The following ULK4 variants were observed in gnomAD, a reference collection of about 807,000 sequenced individuals.
ULK4 encodes unc-51 like kinase 4, also known as inactive serine/threonine-protein kinase ULK4.
In ULK4, 133 loss-of-function variants were observed where a neutral mutation model predicts 160.6. That is an observed-to-expected ratio of 0.83 (90% confidence interval 0.72 to 0.96). ULK4 has a LOEUF of 0.96. Among genes scored for constraint, ULK4 ranks in the 40% least tolerant of loss-of-function variants. The pLI, the probability that ULK4 is intolerant of heterozygous loss-of-function variation, is 0.00. For missense variants in ULK4, 1,580 were observed against 1,499.5 expected (o/e 1.05, Z -0.89); for synonymous variants, 534 against 539.8 (o/e 0.99, Z 0.15).
intron 32 of ULK4, among the ~76,000 whole-genome samples, chr3:41,519,567 G>T (rs374177187): frequency 2.6e-5 from 4 of 152,184 alleles, no homozygotes; most frequent in African/African-American, 7.2e-5. Flanking sequence ...AGTGTGGTAG[G>T]GAATTTGAAT....
chr3:41,393,939 A>T (rs545245329), intron 35 of ULK4, among the ~76,000 whole-genome samples: 12 of 152,242 alleles, frequency 7.9e-5, no homozygotes, highest in Non-Finnish European at 1.5e-4. Flanking sequence ...TCTTGGGAAC[A>T]TTATTTAAGC....
Position 41,559,250 on chromosome 3 carries a change from C to A in ULK4, c.3226+6775G>T, listed in dbSNP as rs372897054. Among the ~76,000 whole-genome samples the A allele has an allele frequency of 2.8e-4, 35 of 123,814 alleles. 1 individual carries two copies. In the South Asian group the frequency reaches 9.4e-3, roughly 33 times the overall value. 81.2% of individuals were successfully genotyped at this position (123,814 alleles called of 152,430 possible). Reference sequence around the variant, plus strand: ...CATAGTATTCCATGGTGTATATGTGCCACATTTTCTTAATCCAGTCTATCA... The same window carrying A: ...CATAGTATTCCATGGTGTATATGTGACACATTTTCTTAATCCAGTCTATCA... On this transcript the variant is annotated intron_variant, in intron 32 of 36. Transcript: ENST00000301831.
chr3:41,819,352 C>T, intron 19 of ULK4, 71 bp downstream of exon 19: 1 of 1,441,846 alleles, frequency 6.9e-7, no homozygotes, highest in South Asian at 1.2e-5. Context: ...CTGCAGGCTA[C>T]AATCCTCATA....
intron 35 of ULK4, among the ~76,000 whole-genome samples, chr3:41,270,671 A>G (rs186278061): frequency 6.6e-6 from 1 of 152,322 alleles, no homozygotes; most frequent in African/African-American, 2.4e-5. Context: ...AAAACTTAGA[A>G]ATGAATTAGC....
intron 35 of ULK4, among the ~76,000 whole-genome samples, chr3:41,268,268 C>T (rs1251829170): frequency 6.6e-6 from 1 of 152,214 alleles, no homozygotes; most frequent in African/African-American, 2.4e-5. Flanking sequence ...TCTCATGTTA[C>T]ATCAGGATGC....
chr3:41,785,272 GA>G (rs1158759695), intron 21 of ULK4, among the ~76,000 whole-genome samples: 5 of 152,046 alleles, frequency 3.3e-5, no homozygotes, highest in Non-Finnish European at 7.4e-5. Context: ...TATCCCTGAG[GA>G]ACATTTAATG....
chr3:41,499,096 A>G lies in ULK4; in HGVS notation c.3227-35843T>C, dbSNP rs181228712. ...AAACAACTAAGTATTACATTATTCC[A>G]CTTATATGAAATGTCTAGAAAAGAC... On this transcript the variant is annotated intron_variant, in intron 32 of 36. Coordinates refer to ENST00000301831, the MANE Select transcript of ULK4 (RefSeq NM_017886.4). Among the ~76,000 whole-genome samples the G allele has an allele frequency of 5.9e-5, 9 of 152,342 alleles. No homozygotes were observed. The East Asian group carries it at 1.7e-3, about 29-fold the overall frequency.
intron 15 of ULK4, 117 bp from the exon 16 acceptor site, chr3:41,895,681 T>A: frequency 8.7e-6 from 4 of 458,060 alleles, no homozygotes; most frequent in Non-Finnish European, 1.5e-5. Context: ...AAATTTACAC[T>A]GTACACCAAA....
chr3:41,518,966 CACAA>C (rs1193544459), intron 32 of ULK4, among the ~76,000 whole-genome samples: 2 of 152,182 alleles, frequency 1.3e-5, no homozygotes, highest in African/African-American at 4.8e-5. Flanking sequence ...CAGGAATGTT[CACAA>C]ACATTGGCAA....
At chr3:41,689,564 C>A (rs199872245) in intron 27 of ULK4, among the ~76,000 whole-genome samples, 426 of 152,140 alleles carry the variant, frequency 2.8e-3, no homozygotes, top group African/African-American at 9.1e-3. Context: ...TAATATCCAG[C>A]ATCTACAATG....
chr3:41,927,562 T>C (rs1699429742), intron 5 of ULK4, among the ~76,000 whole-genome samples: 3 of 151,358 alleles, frequency 2.0e-5, no homozygotes. Context: ...ACAAATTGAA[T>C]GAAGAGTTAA....
intron 17 of ULK4, among the ~76,000 whole-genome samples, chr3:41,848,855 AG>A (rs1478671027): frequency 3.3e-5 from 5 of 152,226 alleles, no homozygotes; most frequent in Non-Finnish European, 7.3e-5. Context: ...AACCTTAAAA[AG>A]TAATAGATAG....
intron 17 of ULK4, among the ~76,000 whole-genome samples, chr3:41,863,038 G>T (rs1470939579): frequency 6.6e-6 from 1 of 151,020 alleles, no homozygotes; most frequent in Non-Finnish European, 1.5e-5. Flanking sequence ...TTCCCTTCAG[G>T]GCGGCAAGGT....
chr3:41,664,583 A>G (rs1028433311), intron 29 of ULK4, among the ~76,000 whole-genome samples: 5 of 152,172 alleles, frequency 3.3e-5, no homozygotes, highest in African/African-American at 1.2e-4. Context: ...TCCCGGAAGG[A>G]AAGCAGCTGT....
At chr3:41,895,860 A>C (rs1274960445) in intron 15 of ULK4, among the ~76,000 whole-genome samples, 1 of 152,204 alleles carries the variant, frequency 6.6e-6, no homozygotes, top group African/African-American at 2.4e-5. Flanking sequence ...CTATCCTGGA[A>C]GCAAATGAAC....
intron 30 of ULK4, among the ~76,000 whole-genome samples, chr3:41,644,107 C>T (rs907583950): frequency 1.4e-4 from 22 of 152,202 alleles, no homozygotes; most frequent in African/African-American, 4.6e-4. Flanking sequence ...GACAATGGGG[C>T]TTTCTAGATA....
chr3:41,451,552 C>T (rs183630223), intron 34 of ULK4, among the ~76,000 whole-genome samples: 14 of 151,974 alleles, frequency 9.2e-5, no homozygotes, highest in African/African-American at 1.7e-4. Flanking sequence ...AAAGAGTGCC[C>T]CATCCAAGAT....
intron 34 of ULK4, among the ~76,000 whole-genome samples, chr3:41,407,233 A>T (rs2082312227): frequency 6.6e-6 from 1 of 152,146 alleles, no homozygotes; most frequent in Non-Finnish European, 1.5e-5. Flanking sequence ...ACAACAACAA[A>T]CATACTCCAG....
intron 35 of ULK4, among the ~76,000 whole-genome samples, chr3:41,287,016 G>A (rs991786331): frequency 1.3e-5 from 2 of 152,140 alleles, no homozygotes; most frequent in African/African-American, 4.8e-5. Context: ...TACTGTTCAT[G>A]CAAACCACCC....
Sources: gnomAD v4.1 joint callset for allele counts (sites outside exome capture counted in the v4.1 genomes callset) on GRCh38, gnomAD v4.1.1 for gene constraint, MANE v1.5 for transcripts, NCBI Gene and HGNC (gene_info 2026-07-23, HGNC 2026-07-21) for gene names.